CELSR1: variants seen among roughly 807,000 people sequenced by gnomAD.
The protein encoded by CELSR1 is adhesion G protein-coupled receptor C1.
CELSR1 carries 110 observed loss-of-function variants against 249.1 expected under a neutral mutation model. That is an observed-to-expected ratio of 0.44 (90% CI 0.38 to 0.52). CELSR1 has a LOEUF of 0.52. Ranked by LOEUF, CELSR1 falls within the 20% of genes least tolerant of loss-of-function variation. The probability of loss-of-function intolerance (pLI) is 0.00; values close to 1 mark genes in which losing one functional copy is unlikely to be tolerated. For synonymous variants in CELSR1, 2,113 were observed against 1,900.0 expected, an observed-to-expected ratio of 1.11 and a Z score of -2.92; for missense variants, 4,109 against 4,296.4, an observed-to-expected ratio of 0.96 and a Z score of 1.22.
intron 1 of CELSR1, among the ~76,000 whole-genome samples, chr22:46,474,660 T>C (rs1347530112): frequency 1.3e-5 from 2 of 152,134 alleles, no homozygotes; most frequent in Non-Finnish European, 2.9e-5. Flanking sequence ...TATTGTACAA[T>C]AGAGCAACAG....
rs115647679 is a variant in CELSR1, at chr22:46,436,974, A to C, written c.4407-685T>G. On this transcript the variant is annotated intron_variant, in intron 3 of 34. Coordinates refer to ENST00000674500, the MANE Select transcript of CELSR1 (RefSeq NM_001378328.1). The surrounding 1 kb of genome is among the most constrained non-coding windows in gnomAD (Gnocchi z 5.9). ...AATCATGCTGCTGACTCATTGGTTT[A>C]TAAGAATGTATGATCCATAAGGGGA... Among the ~76,000 whole-genome samples the C allele has an allele frequency of 5.9e-3, 900 of 152,294 alleles. 10 individuals are homozygous for C. Among genetic ancestry groups the C allele is most frequent in the African/African-American group, 0.021 (855 of 41,566 alleles).
rs1410127862 is a variant in CELSR1 at position 46,409,977 on chromosome 22, C to T, written c.4934-97G>A. 14 of 1,520,294 alleles carry T rather than the reference C, an allele frequency of 9.2e-6. No individual in the cohort carries two copies. Among genetic ancestry groups the T allele is most frequent in the South Asian group, 2.3e-5 (2 of 85,956 alleles). 94.2% of individuals were successfully genotyped at this position (1,520,294 alleles called of 1,614,324 possible). ...GTGGGAAACCAGGACGGAATGGACC[C>T]GGGGCTGGACAGAAGTCAGACCAGG... On this transcript the variant is annotated intron_variant, in intron 7 of 34. Coordinates refer to ENST00000674500, the MANE Select transcript of CELSR1 (RefSeq NM_001378328.1). This position sits in a 1 kb window ranked among gnomAD's most constrained non-coding sequence, Gnocchi z 9.8.
chr22:46,380,969 G>A lies in CELSR1; in HGVS notation c.7089-14C>T, dbSNP rs571901262. 2.5e-6 allele frequency: 4 copies of A among 1,609,648 alleles called. No individual in the cohort carries two copies. The highest frequency in any genetic ancestry group is 3.4e-6 in the Non-Finnish European group (4 of 1,177,120). Reference sequence around the variant, plus strand: ...CGGTGAGGCAACCTGAGGTCAAGAAGCCAGAGCATGGGGACAAACACGGTG... The same window carrying A: ...CGGTGAGGCAACCTGAGGTCAAGAAACCAGAGCATGGGGACAAACACGGTG... On this transcript the variant is annotated splice_polypyrimidine_tract_variant and intron_variant, in intron 21 of 34. Transcript: ENST00000674500. The surrounding 1 kb of genome is among the most constrained non-coding windows in gnomAD (Gnocchi z 5.1).
intron 25 of CELSR1, among the ~76,000 whole-genome samples, chr22:46,372,029 A>T (rs2078857731): frequency 7.4e-6 from 1 of 134,598 alleles, no homozygotes; most frequent in Admixed American, 7.4e-5. Context: ...CCATCTACTC[A>T]CTCGTCTCTC....
At position 46,433,919 on chromosome 22, in the gene CELSR1, G is replaced by A. The variant is rs908359895; in HGVS notation, c.4523-438C>T. On this transcript the variant is annotated intron_variant, in intron 4 of 34. Coordinates refer to ENST00000674500, the MANE Select transcript of CELSR1 (RefSeq NM_001378328.1). This position sits in a 1 kb window ranked among gnomAD's most constrained non-coding sequence, Gnocchi z 5.7. The stretch of plus-strand genomic sequence containing the variant: ...AGTCTAGTCTCGAACTCCTGACCTC[G>A]TGATCTGCCTGCCTTGGCCTCCCAA... 2.6e-5 allele frequency among the ~76,000 whole-genome samples: 4 copies of A among 152,100 alleles called. No individual in the cohort carries two copies. The highest frequency in any genetic ancestry group is 1.3e-4 in the Admixed American group (2 of 15,278).
In CELSR1 at chr22:46,411,862, G is replaced by T; in HGVS notation, c.4612-103C>A. On this transcript the variant is annotated intron_variant, in intron 5 of 34. Transcript: ENST00000674500. This position sits in a 1 kb window ranked among gnomAD's most constrained non-coding sequence, Gnocchi z 4.2. ...AGCGAGGAGGACATGGCACAGGGTG[G>T]GCGGCACGTAGACAAGGGATGAGGA... 1 of 1,470,498 alleles carries T rather than the reference G, an allele frequency of 6.8e-7. No individual in the cohort carries two copies. Among genetic ancestry groups the T allele is most frequent in the Non-Finnish European group, 9.3e-7 (1 of 1,071,898 alleles). The allele number at this position is 1,470,498 out of a possible 1,614,324, so 91.1% of individuals were successfully genotyped here.
rs1260065529 is a variant in CELSR1, at chr22:46,506,393, C to T, written c.3544+27234G>A. ...CCCTCCTCAGACTTACTGAGCCCCT[C>T]AGTTTCCCAGATCTCAGACTTGGGC... On this transcript the variant is annotated intron_variant, in intron 1 of 34. Transcript: ENST00000674500. The surrounding 1 kb of genome is among the most constrained non-coding windows in gnomAD (Gnocchi z 4.1). 6.6e-6 allele frequency among the ~76,000 whole-genome samples: 1 copy of T among 152,158 alleles called. No homozygotes were observed. The highest frequency in any genetic ancestry group is 1.5e-5 in the Non-Finnish European group (1 of 68,024).
At position 46,391,549 on chromosome 22, in the gene CELSR1, C is replaced by A; in HGVS notation, c.6148+84G>T. On this transcript the variant is annotated intron_variant, in intron 15 of 34. Coordinates refer to ENST00000674500, the MANE Select transcript of CELSR1 (RefSeq NM_001378328.1). The surrounding 1 kb of genome is among the most constrained non-coding windows in gnomAD (Gnocchi z 4.3). ...GGGAGCCCAGGGTCCCCCAAACACC[C>A]AGCGTGCATGCACACACGTGCACGC... is the stretch of plus-strand genomic sequence containing the variant. 7.1e-7 allele frequency: 1 copy of A among 1,415,992 alleles called. No individual in the cohort carries two copies. The highest frequency in any genetic ancestry group is 1.5e-5 in the South Asian group (1 of 68,828). The allele number at this position is 1,415,992 out of a possible 1,614,324, so 87.7% of individuals were successfully genotyped here.
In CELSR1 at chr22:46,473,522, C is replaced by G. The variant is rs1157906265; in HGVS notation, c.3545-9177G>C. ...ATTCACTGTGAGTCTCCGTCACCAC[C>G]CCATGCACCAAAGCCTGGGGGGCTC... On this transcript the variant is annotated intron_variant, in intron 1 of 34. Transcript: ENST00000674500. This position sits in a 1 kb window ranked among gnomAD's most constrained non-coding sequence, Gnocchi z 6.6. 5.9e-5 allele frequency among the ~76,000 whole-genome samples: 9 copies of G among 152,108 alleles called. No individual in the cohort carries two copies. Among genetic ancestry groups the G allele is most frequent in the Admixed American group, 5.9e-4 (9 of 15,276 alleles).
intron 2 of CELSR1, among the ~76,000 whole-genome samples, chr22:46,457,126 CAGA>C (rs1194471850): frequency 6.6e-6 from 1 of 152,186 alleles, no homozygotes; most frequent in Non-Finnish European, 1.5e-5. Context: ...GCGGGAGGAT[CAGA>C]AGGTCAGGAG....
At chr22:46,523,555 T>TA (rs1555937565) in intron 1 of CELSR1, among the ~76,000 whole-genome samples, 11 of 114,286 alleles carry the variant, frequency 9.6e-5, no homozygotes, top group African/African-American at 2.9e-4. Context: ...AATAAATAAA[T>TA]AAATAAAATA....
In CELSR1 at chr22:46,428,979, C is replaced by T. The variant is rs1052553846; in HGVS notation, c.4611+4414G>A. Among the ~76,000 whole-genome samples the T allele has an allele frequency of 5.3e-5, 8 of 152,164 alleles. No individual in the cohort carries two copies. The highest frequency in any genetic ancestry group is 1.4e-4 in the African/African-American group (6 of 41,434). Reference sequence around the variant, plus strand: ...AGCCACCCTTGCTTCCCCAGGGCCCCGTTAAACATCTTGCTGGCACGTCTG... The same window carrying T: ...AGCCACCCTTGCTTCCCCAGGGCCCTGTTAAACATCTTGCTGGCACGTCTG... On this transcript the variant is annotated intron_variant, in intron 5 of 34. Transcript: ENST00000674500. This position sits in a 1 kb window ranked among gnomAD's most constrained non-coding sequence, Gnocchi z 5.7.
At chr22:46,373,149 C>G in intron 24 of CELSR1, 92 bp from the exon 25 acceptor site, 1 of 1,310,316 alleles carries the variant, frequency 7.6e-7, no homozygotes, top group Non-Finnish European at 1.0e-6. Flanking sequence ...GGAGAGCTCA[C>G]AATTCGGACC....
intron 23 of CELSR1, among the ~76,000 whole-genome samples, chr22:46,378,347 T>C: frequency 6.6e-6 from 1 of 152,204 alleles, no homozygotes; most frequent in South Asian, 2.1e-4. Flanking sequence ...AAAACCCTTA[T>C]AATGGGGCTT....
intron 1 of CELSR1, among the ~76,000 whole-genome samples, chr22:46,504,773 G>A (rs1358732563): frequency 6.6e-6 from 1 of 152,066 alleles, no homozygotes; most frequent in Non-Finnish European, 1.5e-5. Flanking sequence ...CAAATCCTCC[G>A]CACCAGTAAT....
rs1383404338 is a variant in CELSR1, at chr22:46,406,133, C to T, written c.5226+2863G>A. Among the ~76,000 whole-genome samples the T allele has an allele frequency of 1.3e-5, 2 of 152,324 alleles. No homozygotes were observed. The highest frequency in any genetic ancestry group is 3.9e-4 in the East Asian group (2 of 5,188). On this transcript the variant is annotated intron_variant, in intron 9 of 34. Coordinates refer to ENST00000674500, the MANE Select transcript of CELSR1 (RefSeq NM_001378328.1). The surrounding 1 kb of genome is among the most constrained non-coding windows in gnomAD (Gnocchi z 5.4). The stretch of plus-strand genomic sequence containing the variant: ...AGCGCACTTTTTTCCTACAGAGACC[C>T]CACTGCCAAATGACAACTTGCAAGC...
At chr22:46,529,736 G>A (rs1436790961) in intron 1 of CELSR1, among the ~76,000 whole-genome samples, 1 of 151,880 alleles carries the variant, frequency 6.6e-6, no homozygotes, top group African/African-American at 2.4e-5. Context: ...CCAGGAGGTA[G>A]AGGTTGCAGT....
At chr22:46,383,952 AT>A (rs2079005615) in intron 20 of CELSR1, among the ~76,000 whole-genome samples, 1 of 151,906 alleles carries the variant, frequency 6.6e-6, no homozygotes, top group South Asian at 2.1e-4. Context: ...GCTTGGGAAC[AT>A]TTTGGAATTT....
At chr22:46,462,334 C>T (rs2080039537) in intron 2 of CELSR1, among the ~76,000 whole-genome samples, 2 of 152,134 alleles carry the variant, frequency 1.3e-5, no homozygotes, top group African/African-American at 2.4e-5. Context: ...AAGTCAGAGC[C>T]GGGAGCACCC....
Sources: allele counts gnomAD v4.1 joint callset (sites outside exome capture counted in the v4.1 genomes callset), GRCh38; gene constraint gnomAD v4.1.1; non-coding constraint Gnocchi (gnomAD v3.1); transcripts MANE v1.5; gene names NCBI Gene and HGNC (gene_info 2026-07-23, HGNC 2026-07-21).